The following INSYN2B variants were observed in gnomAD, a reference collection of about 807,000 sequenced individuals.
INSYN2B encodes inhibitory synaptic factor family member 2B, also known as protein INSYN2B.
In INSYN2B, 16 loss-of-function variants were observed where a neutral mutation model predicts 41.2. That is an observed-to-expected ratio of 0.39 (90% CI 0.26 to 0.59). The LOEUF (loss-of-function observed/expected upper bound fraction) is 0.59, where lower values mean the gene tolerates loss of function less well. Ranked by LOEUF, INSYN2B falls within the 20% of genes least tolerant of loss-of-function variation. INSYN2B has a pLI of 0.57. For synonymous variants in INSYN2B, 245 were observed against 244.4 expected, an observed-to-expected ratio of 1.00 and a Z score of -0.02; for missense variants, 608 against 646.4, an observed-to-expected ratio of 0.94 and a Z score of 0.64.
At chr5:169,880,092 G>T (rs552046642) in intron 3 of INSYN2B, among the ~76,000 whole-genome samples, 6 of 152,242 alleles carry the variant, frequency 3.9e-5, no homozygotes, top group Non-Finnish European at 7.3e-5. Flanking sequence ...GCAGCAAAAA[G>T]AGAGCAATTG....
chr5:169,864,462 GA>G lies in INSYN2B; in HGVS notation c.1422-4del. 1 of 1,521,894 alleles carries G rather than the reference GA, an allele frequency of 6.6e-7. No individual in the cohort carries two copies. Among genetic ancestry groups the G allele is most frequent in the Non-Finnish European group, 8.8e-7 (1 of 1,133,738 alleles). The allele number at this position is 1,521,894 out of a possible 1,614,324, so 94.3% of individuals were successfully genotyped here. A position where few individuals can be genotyped will look rare whatever the true frequency, so the allele number is the denominator to read the frequency against. On this transcript the variant is annotated splice_polypyrimidine_tract_variant and splice_region_variant and intron_variant, in intron 3 of 3. Transcript: ENST00000377365. ...GCTGCCGAAAATCATACTCTACACT[GA>G]AAAACACAGAGAGGAAGGAAGGAAA... is the stretch of plus-strand genomic sequence containing the variant.
rs566347598 is a variant in INSYN2B at position 169,861,743 on chromosome 5, G to A, written c.*2530C>T. Reference sequence around the variant, plus strand: ...AGAGACGACCATTTTTGTTCATCAGGAAAATGTTTATGGAATCCTATTTCC... The same window carrying A: ...AGAGACGACCATTTTTGTTCATCAGAAAAATGTTTATGGAATCCTATTTCC... On this transcript the variant is annotated 3_prime_UTR_variant, in exon 4 of 4. Transcript: ENST00000377365. Among the ~76,000 whole-genome samples, 4 of 152,218 alleles carry A rather than the reference G, an allele frequency of 2.6e-5. No homozygotes were observed. The highest frequency in any genetic ancestry group is 3.9e-4 in the East Asian group (2 of 5,182).
intron 1 of INSYN2B, among the ~76,000 whole-genome samples, chr5:169,954,493 C>G (rs1357844031): frequency 6.6e-6 from 1 of 152,184 alleles, no homozygotes; most frequent in African/African-American, 2.4e-5. Flanking sequence ...AGGCAGGGAC[C>G]AGAAAGACCT....
At chr5:169,888,502 G>T (rs911345945) in intron 1 of INSYN2B, among the ~76,000 whole-genome samples, 3 of 152,176 alleles carry the variant, frequency 2.0e-5, no homozygotes, top group Non-Finnish European at 4.4e-5. Context: ...TGGTCCTCAT[G>T]GAATCAGTGT....
intron 1 of INSYN2B, among the ~76,000 whole-genome samples, chr5:169,956,228 T>C (rs1776861302): frequency 6.6e-6 from 1 of 152,228 alleles, no homozygotes; most frequent in African/African-American, 2.4e-5. Context: ...CTAAGCTGCA[T>C]AGCACAAATT....
At chr5:169,882,000 T>C (rs903903225) in intron 2 of INSYN2B, among the ~76,000 whole-genome samples, 2 of 152,328 alleles carry the variant, frequency 1.3e-5, no homozygotes. Context: ...TTTTTTCTCT[T>C]TGCCGAAAAT....
chr5:169,970,996 G>A (rs538710282), intron 1 of INSYN2B, among the ~76,000 whole-genome samples: 142 of 152,120 alleles, frequency 9.3e-4, no homozygotes, highest in African/African-American at 3.0e-3. Flanking sequence ...GTGGGGCAGC[G>A]GGGGGAGGAC....
At chr5:169,923,483 GCACACA>G (rs34053722) in intron 1 of INSYN2B, among the ~76,000 whole-genome samples, 201 of 148,892 alleles carry the variant, frequency 1.3e-3, no homozygotes, top group East Asian at 5.0e-3. Flanking sequence ...ATGCACGTGG[GCACACA>G]CACACACACA....
intron 1 of INSYN2B, among the ~76,000 whole-genome samples, chr5:169,920,625 A>G (rs1187003445): frequency 1.3e-5 from 2 of 152,156 alleles, no homozygotes; most frequent in Non-Finnish European, 2.9e-5. Flanking sequence ...CAAGAATTCC[A>G]CTGATGTCAT....
intron 1 of INSYN2B, among the ~76,000 whole-genome samples, chr5:169,917,362 A>C (rs562386379): frequency 6.6e-6 from 1 of 152,354 alleles, no homozygotes; most frequent in African/African-American, 2.4e-5. Context: ...CCCTGACACC[A>C]GTAGCCCTCA....
At position 169,893,882 on chromosome 5, in the gene INSYN2B, G is replaced by A. The variant is rs561064797; in HGVS notation, c.-918-9066C>T. On this transcript the variant is annotated intron_variant, in intron 1 of 3. Coordinates refer to ENST00000377365, the MANE Select transcript of INSYN2B (RefSeq NM_001129891.3). ...GGCAGGAAAATCGTTTTCCATCTCA[G>A]CATCACTTTCTGTGGTTTTGTGGTA... Among the ~76,000 whole-genome samples, 11 of 152,302 alleles carry A rather than the reference G, an allele frequency of 7.2e-5. No homozygotes were observed. In the South Asian group the frequency reaches 2.3e-3, roughly 32 times the overall value.
intron 1 of INSYN2B, among the ~76,000 whole-genome samples, chr5:169,894,986 T>A (rs925563787): frequency 1.1e-4 from 16 of 152,304 alleles, no homozygotes; most frequent in African/African-American, 3.6e-4. Flanking sequence ...CAAGAACATC[T>A]CTGTGGCTTT....
intron 1 of INSYN2B, among the ~76,000 whole-genome samples, chr5:169,963,931 A>ATGCTGC (rs940680411): frequency 2.2e-4 from 34 of 152,252 alleles, no homozygotes; most frequent in African/African-American, 7.9e-4. Context: ...AAGTTTTCGG[A>ATGCTGC]TGCTGCTGCT....
chr5:169,954,731 T>C (rs1295982931), intron 1 of INSYN2B, among the ~76,000 whole-genome samples: 1 of 152,204 alleles, frequency 6.6e-6, no homozygotes, highest in African/African-American at 2.4e-5. Flanking sequence ...TGTTTTTACA[T>C]GTTCCAAGAT....
At chr5:169,893,905 G>A (rs976033692) in intron 1 of INSYN2B, among the ~76,000 whole-genome samples, 1 of 152,150 alleles carries the variant, frequency 6.6e-6, no homozygotes, top group African/African-American at 2.4e-5. Context: ...TGGTTTTGTG[G>A]TACTTGGAAA....
At chr5:169,928,452 T>A (rs868685462) in intron 1 of INSYN2B, among the ~76,000 whole-genome samples, 22 of 152,248 alleles carry the variant, frequency 1.4e-4, no homozygotes, top group African/African-American at 5.1e-4. Flanking sequence ...GCCTTAGTTC[T>A]ACCAGAGCCA....
Position 169,898,615 on chromosome 5 carries a change from C to T in INSYN2B, c.-918-13799G>A, listed in dbSNP as rs138438806. 2.0e-5 allele frequency among the ~76,000 whole-genome samples: 3 copies of T among 152,248 alleles called. No homozygotes were observed. The East Asian group carries it at 5.8e-4, about 29-fold the overall frequency. On this transcript the variant is annotated intron_variant, in intron 1 of 3. Transcript: ENST00000377365. ...GAAAGAATGACAGTTAAGCTCTTAACATAGTGTCTATCTTATCTACTATAT... is the reference window on the plus strand; with the variant it reads ...GAAAGAATGACAGTTAAGCTCTTAATATAGTGTCTATCTTATCTACTATAT...
chr5:169,933,029 C>T (rs1469072105), intron 1 of INSYN2B, among the ~76,000 whole-genome samples: 1 of 152,230 alleles, frequency 6.6e-6, no homozygotes. Flanking sequence ...GTTTCTCCGG[C>T]AGGTATTGGC....
At chr5:169,973,081 A>G (rs147976624) in intron 1 of INSYN2B, among the ~76,000 whole-genome samples, 1 of 152,328 alleles carries the variant, frequency 6.6e-6, no homozygotes, top group African/African-American at 2.4e-5. Context: ...TCACTCCTCA[A>G]GAAGGAAAAC....
Sources: gnomAD v4.1 joint callset for allele counts (sites outside exome capture counted in the v4.1 genomes callset) on GRCh38, gnomAD v4.1.1 for gene constraint, MANE v1.5 for transcripts, NCBI Gene and HGNC (gene_info 2026-07-23, HGNC 2026-07-21) for gene names.